DYNC2H1: variants seen among roughly 807,000 people sequenced by gnomAD.
The protein encoded by DYNC2H1 is dynein cytoplasmic 2 heavy chain 1, also known as cytoplasmic dynein 2 heavy chain 1.
A neutral mutation model predicts 570.0 loss-of-function variants in DYNC2H1; 410 were observed. The observed-to-expected ratio is 0.72, with a 90% CI of 0.66 to 0.78. DYNC2H1 has a LOEUF of 0.78. Among genes scored for constraint, DYNC2H1 ranks in the 30% least tolerant of loss-of-function variants. The pLI is 0.00. For synonymous variants in DYNC2H1, 1,688 were observed against 1,677.6 expected, an observed-to-expected ratio of 1.01 and a Z score of -0.15; for missense variants, 4,865 against 5,046.4, an observed-to-expected ratio of 0.96 and a Z score of 1.09.
In DYNC2H1 at chr11:103,326,873, T is replaced by C. The variant is rs572101331; in HGVS notation, c.12039+2883T>C. 2.0e-5 allele frequency among the ~76,000 whole-genome samples: 3 copies of C among 152,290 alleles called. No homozygotes were observed. Among genetic ancestry groups the C allele is most frequent in the South Asian group, 4.1e-4 (2 of 4,822 alleles). On this transcript the variant is annotated intron_variant, in intron 82 of 88. Coordinates refer to ENST00000375735, the MANE Select transcript of DYNC2H1 (RefSeq NM_001377.3). This position sits in a 1 kb window ranked among gnomAD's most constrained non-coding sequence, Gnocchi z 6.1. ...GGGGAATGGGCACTTAGGGCCTTAC[T>C]CTACTACAGCTGTCCTGCACACAAA...
chr11:103,372,158 G>C (rs1212547435), intron 83 of DYNC2H1, among the ~76,000 whole-genome samples: 2 of 146,254 alleles, frequency 1.4e-5, no homozygotes, highest in African/African-American at 5.0e-5. Context: ...TCATGCTTCA[G>C]CCTCCGAGTA....
Position 103,266,349 on chromosome 11 carries a change from G to A in DYNC2H1, c.10695+6372G>A, listed in dbSNP as rs1337051531. 2.0e-5 allele frequency among the ~76,000 whole-genome samples: 3 copies of A among 152,206 alleles called. No individual in the cohort carries two copies. In the East Asian group the frequency reaches 5.8e-4, roughly 30 times the overall value. ...TGTGTGCATGATCACACTGCAGGTG[G>A]TGTTGGCTCAAGGGCAGGGCCCCTG... On this transcript the variant is annotated intron_variant, in intron 70 of 88. Transcript: ENST00000375735.
chr11:103,292,999 T>C (rs1034612996), intron 75 of DYNC2H1, among the ~76,000 whole-genome samples: 1 of 152,264 alleles, frequency 6.6e-6, no homozygotes, highest in African/African-American at 2.4e-5. Context: ...ATTTTATGTA[T>C]TTGTCTGTAT....
chr11:103,297,406 T>A (rs1422689344), intron 75 of DYNC2H1, among the ~76,000 whole-genome samples: 1 of 152,136 alleles, frequency 6.6e-6, no homozygotes, highest in Admixed American at 6.6e-5. Context: ...TCGTGTTGTT[T>A]AACAGTGGGG....
rs1389319302 is a variant in DYNC2H1, at chr11:103,325,014, TG to T, written c.12039+1025del. Among the ~76,000 whole-genome samples the T allele has an allele frequency of 1.3e-5, 2 of 152,264 alleles. No homozygotes were observed. Among genetic ancestry groups the T allele is most frequent in the East Asian group, 3.8e-4 (2 of 5,202 alleles). On this transcript the variant is annotated intron_variant, in intron 82 of 88. Coordinates refer to ENST00000375735, the MANE Select transcript of DYNC2H1 (RefSeq NM_001377.3). The surrounding 1 kb of genome is among the most constrained non-coding windows in gnomAD (Gnocchi z 4.8). Reference sequence around the variant, plus strand: ...TATTGGCCGTATGTATGTCTTCTTTTGAGAAGCATCTCTTCATGTTTTTTGC... The same window carrying T: ...TATTGGCCGTATGTATGTCTTCTTTTAGAAGCATCTCTTCATGTTTTTTGC...
At chr11:103,221,842 C>T (rs1262808575) in intron 57 of DYNC2H1, among the ~76,000 whole-genome samples, 188 bp from the exon 58 acceptor site, 1 of 152,032 alleles carries the variant, frequency 6.6e-6, no homozygotes, top group South Asian at 2.1e-4. Flanking sequence ...GGTGACAGAG[C>T]GAGACTCTGT....
chr11:103,135,200 T>C (rs1859474661), intron 15 of DYNC2H1, among the ~76,000 whole-genome samples: 1 of 152,160 alleles, frequency 6.6e-6, no homozygotes, highest in African/African-American at 2.4e-5. Context: ...CCAGTATTTG[T>C]GGTACTACAT....
chr11:103,309,168 A>ATTTTTCTTTTTTTTTTTTTTTTTTTTTT (rs1867444850), intron 78 of DYNC2H1, among the ~76,000 whole-genome samples: 1 of 54,620 alleles, frequency 1.8e-5, no homozygotes, highest in Non-Finnish European at 3.4e-5. Context: ...ACTGCATGCT[A>ATTTTTCTTTTTTTTTTTTTTTTTTTTTT]TTTTTTTTTT....
rs926734168 is a variant in DYNC2H1, at chr11:103,264,871, C to A, written c.10695+4894C>A. On this transcript the variant is annotated intron_variant, in intron 70 of 88. Transcript: ENST00000375735. This position sits in a 1 kb window ranked among gnomAD's most constrained non-coding sequence, Gnocchi z 4.8. ...ATGGTACTGGAAGTTCTGGCCAGGG[C>A]AAAGTGGCAAGAGAAAGAAATAAAG... Among the ~76,000 whole-genome samples the A allele has an allele frequency of 6.6e-6, 1 of 151,988 alleles. No homozygotes were observed. Among genetic ancestry groups the A allele is most frequent in the African/African-American group, 2.4e-5 (1 of 41,368 alleles).
Position 103,334,243 on chromosome 11 carries a change from T to C in DYNC2H1, c.12039+10253T>C, listed in dbSNP as rs985251183. 2.6e-5 allele frequency among the ~76,000 whole-genome samples: 4 copies of C among 152,200 alleles called. No individual in the cohort carries two copies. Among genetic ancestry groups the C allele is most frequent in the Admixed American group, 6.5e-5 (1 of 15,268 alleles). ...AACACAATAATCTATTCTAGTCTCT[T>C]CACCAGGTAGCTGTGTGACTAGTAA... On this transcript the variant is annotated intron_variant, in intron 82 of 88. Coordinates refer to ENST00000375735, the MANE Select transcript of DYNC2H1 (RefSeq NM_001377.3). This position sits in a 1 kb window ranked among gnomAD's most constrained non-coding sequence, Gnocchi z 4.3.
chr11:103,392,926 C>A (rs920278576), intron 83 of DYNC2H1, among the ~76,000 whole-genome samples: 1 of 151,680 alleles, frequency 6.6e-6, no homozygotes, highest in African/African-American at 2.4e-5. Flanking sequence ...TCTTGTCACC[C>A]AGGCTGGAGT....
At chr11:103,430,056 C>G (rs1178074144) in intron 84 of DYNC2H1, among the ~76,000 whole-genome samples, 2 of 152,118 alleles carry the variant, frequency 1.3e-5, no homozygotes. Flanking sequence ...TGGTATTGCA[C>G]TCCTATTTGA....
Position 103,239,952 on chromosome 11 carries a change from C to T in DYNC2H1, c.9819+3413C>T, listed in dbSNP as rs914547903. Among the ~76,000 whole-genome samples, 1 of 151,964 alleles carries T rather than the reference C, an allele frequency of 6.6e-6. No individual in the cohort carries two copies. Among genetic ancestry groups the T allele is most frequent in the African/African-American group, 2.4e-5 (1 of 41,386 alleles). On this transcript the variant is annotated intron_variant, in intron 63 of 88. Coordinates refer to ENST00000375735, the MANE Select transcript of DYNC2H1 (RefSeq NM_001377.3). The surrounding 1 kb of genome is among the most constrained non-coding windows in gnomAD (Gnocchi z 4.3). ...TTTTTTGAACTCTTGACCTACAGTT[C>T]TAACTACCTGTTAGATATTTTTACC...
At position 103,305,405 on chromosome 11, in the gene DYNC2H1, A is replaced by G. The variant is rs1191829056; in HGVS notation, c.11382+685A>G. 1.3e-5 allele frequency among the ~76,000 whole-genome samples: 2 copies of G among 152,116 alleles called. No individual in the cohort carries two copies. Among genetic ancestry groups the G allele is most frequent in the Non-Finnish European group, 2.9e-5 (2 of 68,018 alleles). On this transcript the variant is annotated intron_variant, in intron 77 of 88. Coordinates refer to ENST00000375735, the MANE Select transcript of DYNC2H1 (RefSeq NM_001377.3). The surrounding 1 kb of genome is among the most constrained non-coding windows in gnomAD (Gnocchi z 4.3). ...TACAAGGAATGAAGAGATGTCCTTG[A>G]TAGTACTAGACGGGCCAGGCAGGGA...
intron 47 of DYNC2H1, 92 bp downstream of exon 47, chr11:103,192,356 A>C (rs746480672): frequency 3.4e-5 from 31 of 910,072 alleles, no homozygotes; most frequent in Non-Finnish European, 4.6e-5. Context: ...GGTCTAAACA[A>C]ATAAAAACTT....
At chr11:103,230,247 G>A (rs572800393) in intron 59 of DYNC2H1, among the ~76,000 whole-genome samples, 4 of 152,130 alleles carry the variant, frequency 2.6e-5, no homozygotes, top group Admixed American at 2.0e-4. Context: ...CTGATCCTTG[G>A]TTGTTAGTTA....
At position 103,358,309 on chromosome 11, in the gene DYNC2H1, T is replaced by C; in HGVS notation, c.12106T>C (p.Trp4036Arg). Residue 4036 changes from tryptophan to arginine, a missense_variant, in exon 83 of 89, where the codon TGG (tryptophan) becomes CGG (arginine). By Grantham distance (101) the Trp-to-Arg change is moderately radical. This residue lies in a region of DYNC2H1 where 2,401 missense variants were observed against 2,454.6 expected (regional missense o/e 0.98). Coordinates refer to ENST00000375735, the MANE Select transcript of DYNC2H1 (RefSeq NM_001377.3). ...TAGSKFDREI[W>R]SNELSPVLNL... Reference sequence around the variant, plus strand: ...TGGTTCCAAATTTGATAGAGAAATCTGGTCTAATGAACTTTCTCCTGTCCT... The same window carrying C: ...TGGTTCCAAATTTGATAGAGAAATCCGGTCTAATGAACTTTCTCCTGTCCT... 1.3e-6 allele frequency: 2 copies of C among 1,591,598 alleles called. No individual in the cohort carries two copies. Among genetic ancestry groups the C allele is most frequent in the Non-Finnish European group, 1.7e-6 (2 of 1,167,772 alleles).
chr11:103,222,716 GTTGA>G (rs1298988485), intron 58 of DYNC2H1, among the ~76,000 whole-genome samples: 1 of 152,118 alleles, frequency 6.6e-6, no homozygotes, highest in Non-Finnish European at 1.5e-5. Flanking sequence ...AGAAAATTAT[GTTGA>G]TAAAACATCT....
At chr11:103,426,594 A>G (rs1054171663) in intron 84 of DYNC2H1, among the ~76,000 whole-genome samples, 1 of 152,218 alleles carries the variant, frequency 6.6e-6, no homozygotes, top group Non-Finnish European at 1.5e-5. Context: ...CTGAACATCT[A>G]TGTTAGCTTG....
Sources: gnomAD v4.1 joint callset for allele counts (sites outside exome capture counted in the v4.1 genomes callset) on GRCh38, gnomAD v4.1.1 for gene constraint, gnomAD v4.1.1 regional missense constraint, Gnocchi (gnomAD v3.1) non-coding constraint, MANE v1.5 for transcripts, NCBI Gene and HGNC (gene_info 2026-07-23, HGNC 2026-07-21) for gene names.